Variants in FCAR observed in about 807,000 individuals in gnomAD.
The protein encoded by FCAR is Fc alpha receptor, also known as immunoglobulin alpha Fc receptor.
Under a neutral mutation model 27.1 loss-of-function variants are expected in FCAR, and 21 were observed. The observed-to-expected ratio is 0.77, with a 90% CI of 0.55 to 1.11. The LOEUF (loss-of-function observed/expected upper bound fraction) is 1.11, where lower values mean the gene tolerates loss of function less well. FCAR is among the 50% of genes most tolerant of loss of function. The probability of loss-of-function intolerance (pLI) is 0.00; values close to 1 mark genes in which losing one functional copy is unlikely to be tolerated. For missense variants in FCAR, 404 were observed against 358.4 expected (o/e 1.13, Z -1.03); for synonymous variants, 134 against 135.8 (o/e 0.99, Z 0.09).
chr19:54,888,447 C>A, intron 4 of FCAR, 153 bp downstream of exon 4: 3 of 1,435,242 alleles, frequency 2.1e-6, no homozygotes, highest in East Asian at 5.0e-5. Flanking sequence ...CCCCACCACA[C>A]TTTCCGCTTT....
At chr19:54,875,990 T>A (rs587767574) in intron 2 of FCAR, among the ~76,000 whole-genome samples, 2 of 152,382 alleles carry the variant, frequency 1.3e-5, no homozygotes, top group African/African-American at 4.8e-5. Flanking sequence ...CATTTGTTTG[T>A]GTCATCTATG....
chr19:54,884,036 A>G (rs1222337999), intron 2 of FCAR, among the ~76,000 whole-genome samples: 1 of 152,238 alleles, frequency 6.6e-6, no homozygotes, highest in Non-Finnish European at 1.5e-5. Context: ...GCAGCGCTGG[A>G]AGACCCAGCA....
Position 54,875,208 on chromosome 19 carries a change from T to C in FCAR, c.35-122T>C, listed in dbSNP as rs1043720956. 1.9e-5 allele frequency: 14 copies of C among 730,072 alleles called. No individual in the cohort carries two copies. The East Asian group carries it at 3.5e-4, about 18-fold the overall frequency. 45.2% of individuals were successfully genotyped at this position (730,072 alleles called of 1,614,324 possible). On this transcript the variant is annotated intron_variant, in intron 1 of 4. Transcript: ENST00000355524. ...AAATGCCAGCTCTTCTTTATATATC[T>C]GGTGGGATTGAGCTGTGAATCCATC... is the stretch of plus-strand genomic sequence containing the variant.
chr19:54,888,490 C>A, intron 4 of FCAR, 196 bp downstream of exon 4: 1 of 1,417,322 alleles, frequency 7.1e-7, no homozygotes, highest in African/African-American at 1.4e-5. Context: ...AGACAGGGTT[C>A]ATTGAAAACT....
At chr19:54,878,460 G>A (rs587663746) in intron 2 of FCAR, among the ~76,000 whole-genome samples, 213 of 152,184 alleles carry the variant, frequency 1.4e-3, no homozygotes, top group South Asian at 1.0e-2. Context: ...CTCTTCGTTG[G>A]TCTCTCAGAA....
chr19:54,884,988 A>T (rs1030718709), intron 2 of FCAR, among the ~76,000 whole-genome samples: 5 of 151,906 alleles, frequency 3.3e-5, no homozygotes, highest in Admixed American at 6.6e-5. Flanking sequence ...TTGTATTTTC[A>T]GTAGACACGG....
chr19:54,885,102 G>A lies in FCAR; in HGVS notation c.71-133G>A, dbSNP rs587741556. On this transcript the variant is annotated intron_variant, in intron 2 of 4. Coordinates refer to ENST00000355524, the MANE Select transcript of FCAR (RefSeq NM_002000.4). Reference sequence around the variant, plus strand: ...AATACAGGCGTGAGCTACCGCACCCGGCCTAAATTTTTTTTTAAATAAAGA... The same window carrying A: ...AATACAGGCGTGAGCTACCGCACCCAGCCTAAATTTTTTTTTAAATAAAGA... 1.0e-4 allele frequency: 77 copies of A among 771,450 alleles called. No homozygotes were observed. In the African/African-American group the frequency reaches 1.2e-3, roughly 12 times the overall value. 47.8% of individuals were successfully genotyped at this position (771,450 alleles called of 1,614,324 possible). A position where few individuals can be genotyped will look rare whatever the true frequency, so the allele number is the denominator to read the frequency against.
At chr19:54,879,974 C>T (rs912622437) in intron 2 of FCAR, among the ~76,000 whole-genome samples, 4 of 152,180 alleles carry the variant, frequency 2.6e-5, no homozygotes, top group Admixed American at 2.0e-4. Context: ...CGTGAGCCAC[C>T]GCGCCCGGCC....
At chr19:54,881,709 G>A (rs12975418) in intron 2 of FCAR, among the ~76,000 whole-genome samples, 55,530 of 151,584 alleles carry the variant, frequency 0.37, 10,670 homozygotes, top group South Asian at 0.54. Flanking sequence ...CGTCTCTACT[G>A]AAAACACAAA....
chr19:54,889,534 G>C, intron 4 of FCAR, 115 bp from the exon 5 acceptor site: 1 of 779,568 alleles, frequency 1.3e-6, no homozygotes, highest in Non-Finnish European at 2.2e-6. Context: ...GGATGCTTGA[G>C]GGAGTCCCAT....
chr19:54,888,306 C>T lies in FCAR; in HGVS notation c.649+12C>T. Reference sequence around the variant, plus strand: ...GCTTGTGGTCACAGGTAGGTACCGCCCAGTCCAGCCCTGTGTCTGGGTTGG... The same window carrying T: ...GCTTGTGGTCACAGGTAGGTACCGCTCAGTCCAGCCCTGTGTCTGGGTTGG... On this transcript the variant is annotated intron_variant, in intron 4 of 4. Coordinates refer to ENST00000355524, the MANE Select transcript of FCAR (RefSeq NM_002000.4). The T allele has an allele frequency of 6.2e-7, 1 of 1,613,070 alleles. No individual in the cohort carries two copies. Among genetic ancestry groups the T allele is most frequent in the East Asian group, 2.2e-5 (1 of 44,842 alleles).
chr19:54,875,677 T>C (rs587725836), intron 2 of FCAR, among the ~76,000 whole-genome samples: 5 of 152,360 alleles, frequency 3.3e-5, no homozygotes, highest in East Asian at 1.9e-4. Context: ...TCCTTCCTTA[T>C]GCTGATTCTA....
chr19:54,885,877 C>T (rs1310272151), intron 3 of FCAR, among the ~76,000 whole-genome samples: 14 of 151,528 alleles, frequency 9.2e-5, no homozygotes, highest in African/African-American at 2.7e-4. Flanking sequence ...TTAGGGAAGC[C>T]GAGGCGGGTG....
chr19:54,885,494 G>T lies in FCAR; in HGVS notation c.330G>T (p.Arg110=), dbSNP rs2066667234. ...ATAGGATAGGGCACTACAGGTTCCG[G>T]TACAGTGACACCCTGGAGCTGGTAG... ...CQYRIGHYRF[R]YSDTLELVVT... is the part of the protein sequence containing the mutation. The change falls in exon 3 of 5, where the codon CGG becomes CGT. Residue 110 remains arginine (R), a synonymous_variant. Coordinates refer to ENST00000355524, the MANE Select transcript of FCAR (RefSeq NM_002000.4). The T allele has an allele frequency of 6.2e-7, 1 of 1,613,292 alleles. No individual in the cohort carries two copies. Among genetic ancestry groups the T allele is most frequent in the African/African-American group, 1.3e-5 (1 of 74,908 alleles).
chr19:54,885,326 A>G lies in FCAR; in HGVS notation c.162A>G (p.Glu54=). 6.2e-7 allele frequency: 1 copy of G among 1,614,108 alleles called. No homozygotes were observed. The highest frequency in any genetic ancestry group is 8.5e-7 in the Non-Finnish European group (1 of 1,180,010). ...AAATCCAGTGCCAGGCCATTCGTGA[A>G]GCTTACCTGACCCAGCTGATGATCA... ...SVKIQCQAIR[E]AYLTQLMIIK... is the part of the protein sequence containing the mutation. The change falls in exon 3 of 5, where the codon GAA becomes GAG. Residue 54 remains glutamate (E), a synonymous_variant. Transcript: ENST00000355524.
chr19:54,882,424 TTTTTTTTTTTTC>T lies in FCAR; in HGVS notation c.71-2800_71-2789del, dbSNP rs1288971289. 3.4e-4 allele frequency among the ~76,000 whole-genome samples: 24 copies of T among 70,504 alleles called. No homozygotes were observed. The Admixed American group carries it at 3.6e-3, about 10-fold the overall frequency. 46.3% of individuals were successfully genotyped at this position (70,504 alleles called of 152,430 possible). On this transcript the variant is annotated intron_variant, in intron 2 of 4. Coordinates refer to ENST00000355524, the MANE Select transcript of FCAR (RefSeq NM_002000.4). ...GTTGCCAGAGTTCTTGTGTTGATTCTTTTTTTTTTTTCTTTTTTTTTTCTTTTTTGTGGCAGA... is the reference window on the plus strand; with the variant it reads ...GTTGCCAGAGTTCTTGTGTTGATTCTTTTTTTTTTTCTTTTTTGTGGCAGA...
chr19:54,879,035 C>T (rs1022426756), intron 2 of FCAR, among the ~76,000 whole-genome samples: 14 of 139,672 alleles, frequency 1.0e-4, no homozygotes, highest in South Asian at 2.6e-4. Context: ...TGTACCACCA[C>T]GCCCAGCTAT....
chr19:54,886,052 G>A (rs1238103384), intron 3 of FCAR, among the ~76,000 whole-genome samples: 1 of 152,094 alleles, frequency 6.6e-6, no homozygotes, highest in East Asian at 2.0e-4. Flanking sequence ...TTCGAGACCA[G>A]CCTGGCCAAC....
intron 2 of FCAR, among the ~76,000 whole-genome samples, chr19:54,879,920 C>G (rs587614961): frequency 6.6e-6 from 1 of 152,256 alleles, no homozygotes; most frequent in South Asian, 2.1e-4. Flanking sequence ...CTCCTGACCT[C>G]GTGATCCGCC....
Sources: gnomAD v4.1 joint callset for allele counts (sites outside exome capture counted in the v4.1 genomes callset) on GRCh38, gnomAD v4.1.1 for gene constraint, MANE v1.5 for transcripts, NCBI Gene and HGNC (gene_info 2026-07-23, HGNC 2026-07-21) for gene names.